The following ULK4 variants were observed in gnomAD, a reference collection of about 807,000 sequenced individuals.
The protein encoded by ULK4 is inactive serine/threonine-protein kinase ULK4.
A neutral mutation model predicts 160.6 loss-of-function variants in ULK4; 133 were observed. The observed-to-expected ratio is 0.83, with a 90% confidence interval of 0.72 to 0.96. The LOEUF (loss-of-function observed/expected upper bound fraction) is 0.96. ULK4 is among the 40% of genes least tolerant of loss of function. The probability of loss-of-function intolerance (pLI) is 0.00; values close to 1 mark genes in which losing one functional copy is unlikely to be tolerated. For synonymous variants in ULK4, 534 were observed against 539.8 expected (o/e 0.99, Z 0.15); for missense variants, 1,580 against 1,499.5 (o/e 1.05, Z -0.89).
rs544048109 is a variant in ULK4 at position 41,893,907 on chromosome 3, G to A, written c.1577+1611C>T. ...GGACCCTTTATCATATGCTGTCAAG[G>A]TAATATAACCTGAGGTCAGAGAAAA... On this transcript the variant is annotated intron_variant, in intron 16 of 36. Transcript: ENST00000301831. 9.9e-5 allele frequency among the ~76,000 whole-genome samples: 15 copies of A among 152,202 alleles called. No individual in the cohort carries two copies. The South Asian group carries it at 2.7e-3, about 27-fold the overall frequency.
intron 17 of ULK4, among the ~76,000 whole-genome samples, chr3:41,876,451 C>T (rs1697304563): frequency 6.6e-6 from 1 of 152,164 alleles, no homozygotes; most frequent in African/African-American, 2.4e-5. Context: ...GAGCACTGAA[C>T]ATTCTTTCAT....
Position 41,352,792 on chromosome 3 carries a change from G to C in ULK4, c.3678+45287C>G, listed in dbSNP as rs75171315. Among the ~76,000 whole-genome samples the C allele has an allele frequency of 2.5e-4, 38 of 152,298 alleles. No individual in the cohort carries two copies. The East Asian group carries it at 7.3e-3, about 29-fold the overall frequency. ...CAAAGCCCAAACAGGAGAGTGCGTG[G>C]CTTGCAGGAAGGCAGATGATTCAGA... On this transcript the variant is annotated intron_variant, in intron 35 of 36. Coordinates refer to ENST00000301831, the MANE Select transcript of ULK4 (RefSeq NM_017886.4).
intron 32 of ULK4, among the ~76,000 whole-genome samples, chr3:41,483,810 T>C (rs1159704610): frequency 6.6e-6 from 1 of 152,160 alleles, no homozygotes; most frequent in South Asian, 2.1e-4. Context: ...ATCACAAGGA[T>C]CCTCATCAGA....
chr3:41,689,401 C>T (rs923659942), intron 27 of ULK4, among the ~76,000 whole-genome samples: 17 of 152,274 alleles, frequency 1.1e-4, no homozygotes, highest in African/African-American at 4.1e-4. Flanking sequence ...GCAACACCAA[C>T]AATTTAAAAT....
intron 17 of ULK4, among the ~76,000 whole-genome samples, chr3:41,839,669 T>C (rs868181065): frequency 1.5e-4 from 23 of 152,056 alleles, no homozygotes; most frequent in Middle Eastern, 6.8e-3. Flanking sequence ...AATGACATGA[T>C]TGTCAACACA....
At chr3:41,545,155 G>T (rs934006707) in intron 32 of ULK4, among the ~76,000 whole-genome samples, 1 of 150,796 alleles carries the variant, frequency 6.6e-6, no homozygotes, top group Admixed American at 6.7e-5. Flanking sequence ...TACCTAGTCC[G>T]TTTTATTTTA....
intron 17 of ULK4, among the ~76,000 whole-genome samples, chr3:41,852,787 C>T (rs1473195076): frequency 1.3e-5 from 2 of 152,076 alleles, no homozygotes; most frequent in Admixed American, 6.6e-5. Flanking sequence ...TCAGCTCCTG[C>T]CCATAGTGTA....
At chr3:41,547,173 A>G (rs930664703) in intron 32 of ULK4, among the ~76,000 whole-genome samples, 1 of 152,220 alleles carries the variant, frequency 6.6e-6, no homozygotes, top group South Asian at 2.1e-4. Flanking sequence ...TAACATCAAT[A>G]AATTTTAAAA....
chr3:41,886,661 C>T (rs542347288), intron 16 of ULK4, among the ~76,000 whole-genome samples: 6 of 151,826 alleles, frequency 4.0e-5, no homozygotes, highest in South Asian at 2.1e-4. Context: ...CTGCACCCTC[C>T]GCCTCCTGGG....
At chr3:41,283,909 CAG>C (rs1191306191) in intron 35 of ULK4, among the ~76,000 whole-genome samples, 67 of 152,094 alleles carry the variant, frequency 4.4e-4, no homozygotes, top group African/African-American at 1.4e-3. Flanking sequence ...TATACACCAA[CAG>C]TGACCAAGCG....
chr3:41,432,063 C>CT (rs2082927229), intron 34 of ULK4, among the ~76,000 whole-genome samples: 1 of 151,934 alleles, frequency 6.6e-6, no homozygotes, highest in South Asian at 2.1e-4. Flanking sequence ...AGGACTATTT[C>CT]TTTTTTATTG....
rs59261967 is a variant in ULK4, at chr3:41,577,144, A to T, written c.3121-11014T>A. Among the ~76,000 whole-genome samples, 501 of 152,328 alleles carry T rather than the reference A, an allele frequency of 3.3e-3. 3 individuals are homozygous for T. Among genetic ancestry groups the T allele is most frequent in the African/African-American group, 0.012 (479 of 41,568 alleles). ...TATTTCAGTGGGAATTGACTGGAAG[A>T]TTATTTAAAGCTAAAATTTTAAAGA... is the stretch of plus-strand genomic sequence containing the variant. On this transcript the variant is annotated intron_variant, in intron 31 of 36. Transcript: ENST00000301831.
chr3:41,898,537 T>C (rs780841575), intron 13 of ULK4, 45 bp from the exon 14 acceptor site: 9 of 1,221,108 alleles, frequency 7.4e-6, no homozygotes, highest in Admixed American at 2.0e-5. Context: ...ATTTTTAAGA[T>C]GGATATCTGT....
chr3:41,689,761 G>A (rs1244623778), intron 27 of ULK4, among the ~76,000 whole-genome samples: 1 of 152,146 alleles, frequency 6.6e-6, no homozygotes, highest in Non-Finnish European at 1.5e-5. Context: ...ACACCAGTTA[G>A]AATGGTGATC....
At position 41,378,975 on chromosome 3, in the gene ULK4, T is replaced by C. The variant is rs569139911; in HGVS notation, c.3678+19104A>G. On this transcript the variant is annotated intron_variant, in intron 35 of 36. Coordinates refer to ENST00000301831, the MANE Select transcript of ULK4 (RefSeq NM_017886.4). ...CAGGAACAGAAAACCAAACACTGCA[T>C]GTTCTCACTCATTAGTGGGAGCTGA... 6.6e-5 allele frequency among the ~76,000 whole-genome samples: 10 copies of C among 152,138 alleles called. No individual in the cohort carries two copies. The South Asian group carries it at 1.9e-3, about 28-fold the overall frequency.
chr3:41,936,270 A>C (rs1699773169), intron 3 of ULK4, among the ~76,000 whole-genome samples: 1 of 152,246 alleles, frequency 6.6e-6, no homozygotes, highest in Non-Finnish European at 1.5e-5. Context: ...AAATCACATT[A>C]TGCAAAGTAT....
chr3:41,739,643 G>A (rs1258144145), intron 22 of ULK4, among the ~76,000 whole-genome samples: 1 of 151,846 alleles, frequency 6.6e-6, no homozygotes, highest in Non-Finnish European at 1.5e-5. Flanking sequence ...TTCTCAGAAT[G>A]AGCACATGCA....
chr3:41,614,366 A>G (rs2032853005), intron 31 of ULK4, among the ~76,000 whole-genome samples: 1 of 152,228 alleles, frequency 6.6e-6, no homozygotes, highest in African/African-American at 2.4e-5. Flanking sequence ...GCCAAACTCA[A>G]CAGTTTGCTA....
chr3:41,429,820 G>A (rs540505475), intron 34 of ULK4, among the ~76,000 whole-genome samples: 27 of 151,904 alleles, frequency 1.8e-4, no homozygotes, highest in Non-Finnish European at 3.4e-4. Context: ...CTAAGTGATG[G>A]GTTGATAGGT....
Sources: allele counts gnomAD v4.1 joint callset (sites outside exome capture counted in the v4.1 genomes callset), GRCh38; gene constraint gnomAD v4.1.1; transcripts MANE v1.5; gene names NCBI Gene and HGNC (gene_info 2026-07-23, HGNC 2026-07-21).